Variants in TIA1 observed in about 807,000 individuals in gnomAD.
TIA1 encodes the protein cytotoxic granule associated RNA binding protein TIA1.
Under a neutral mutation model 65.9 loss-of-function variants are expected in TIA1, and 23 were observed. That is an observed-to-expected ratio of 0.35 (90% CI 0.25 to 0.49). The LOEUF (loss-of-function observed/expected upper bound fraction) is 0.49. TIA1 is among the 20% of genes least tolerant of loss of function. The pLI is 0.98. For missense variants in TIA1, 371 were observed against 477.9 expected (o/e 0.78, Z 2.09); for synonymous variants, 147 against 149.4 (o/e 0.98, Z 0.12).
chr2:70,216,873 C>G lies in TIA1; in HGVS notation c.583+13G>C, dbSNP rs1300576201. 6.2e-7 allele frequency: 1 copy of G among 1,614,042 alleles called. No homozygotes were observed. Among genetic ancestry groups the G allele is most frequent in the Admixed American group, 1.7e-5 (1 of 60,008 alleles). On this transcript the variant is annotated intron_variant, in intron 8 of 12. Transcript: ENST00000433529. Reference sequence around the variant, plus strand: ...AAAATTCCACATTTCCTTTTCTTCTCCAATACACCTACACTCATATGTACT... The same window carrying G: ...AAAATTCCACATTTCCTTTTCTTCTGCAATACACCTACACTCATATGTACT...
chr2:70,217,013 GA>G lies in TIA1; in HGVS notation c.475-20del, dbSNP rs1558767640. On this transcript the variant is annotated intron_variant, in intron 7 of 12. Coordinates refer to ENST00000433529, the MANE Select transcript of TIA1 (RefSeq NM_022173.4). The stretch of plus-strand genomic sequence containing the variant: ...CAGCATCCTGTTCCGTACAACATTA[GA>G]AACAATAAAGAAGTCACTATTAGTT... 1 of 1,595,516 alleles carries G rather than the reference GA, an allele frequency of 6.3e-7. No individual in the cohort carries two copies. The highest frequency in any genetic ancestry group is 2.2e-5 in the East Asian group (1 of 44,634).
chr2:70,217,132 C>T (rs997714339), intron 7 of TIA1, 138 bp from the exon 8 acceptor site: 6 of 690,460 alleles, frequency 8.7e-6, no homozygotes, highest in African/African-American at 7.4e-5. Flanking sequence ...CATATGATAG[C>T]TTTCCTAAAA....
chr2:70,248,748 G>T (rs754317946), upstream of TIA1: 5 of 399,674 alleles, frequency 1.3e-5, no homozygotes, highest in Non-Finnish European at 2.3e-5. Flanking sequence ...CACTTGTTGC[G>T]CAGCCGCTCT....
At chr2:70,225,196 C>T (rs889435083) in intron 6 of TIA1, 3 of 1,060,332 alleles carry the variant, frequency 2.8e-6, no homozygotes, top group Non-Finnish European at 3.4e-6. Context: ...ATACTAGACA[C>T]ACACAAGTTT....
intron 10 of TIA1, chr2:70,215,985 A>G (rs1678454745): frequency 6.1e-6 from 3 of 490,856 alleles, no homozygotes; most frequent in Non-Finnish European, 1.1e-5. Flanking sequence ...CAAACTCATG[A>G]CGGTGATCCA....
Position 70,220,206 on chromosome 2 carries a change from G to C in TIA1, c.475-3212C>G, listed in dbSNP as rs1428134581. On this transcript the variant is annotated intron_variant, in intron 7 of 12. Coordinates refer to ENST00000433529, the MANE Select transcript of TIA1 (RefSeq NM_022173.4). Reference sequence around the variant, plus strand: ...AGGTGGATCATGAGCCCAGGAGTTCGAGACCAGCCTGGACAACATGACAAA... The same window carrying C: ...AGGTGGATCATGAGCCCAGGAGTTCCAGACCAGCCTGGACAACATGACAAA... 2.6e-5 allele frequency among the ~76,000 whole-genome samples: 4 copies of C among 152,006 alleles called. No homozygotes were observed. In the East Asian group the frequency reaches 7.7e-4, roughly 29 times the overall value.
rs954007616 is a variant in TIA1 at position 70,246,662 on chromosome 2, G to T, written c.26+1743C>A. ...GCACTCTGGGAGGCCGAGGTGTGCG[G>T]ATCACCTGAGGTCAGGAGTTCGAGA... is the stretch of plus-strand genomic sequence containing the variant. On this transcript the variant is annotated intron_variant, in intron 1 of 12. Coordinates refer to ENST00000433529, the MANE Select transcript of TIA1 (RefSeq NM_022173.4). Among the ~76,000 whole-genome samples the T allele has an allele frequency of 8.5e-5, 13 of 152,302 alleles. No individual in the cohort carries two copies. The East Asian group carries it at 2.3e-3, about 27-fold the overall frequency.
At chr2:70,248,191 G>C (rs1347248247) in intron 1 of TIA1, among the ~76,000 whole-genome samples, 1 of 152,228 alleles carries the variant, frequency 6.6e-6, no homozygotes, top group African/African-American at 2.4e-5. Context: ...TTGCTAAAGT[G>C]AAGGGATTAA....
At chr2:70,229,136 C>T in intron 4 of TIA1, 45 bp from the exon 5 acceptor site, 17 of 1,609,974 alleles carry the variant, frequency 1.1e-5, no homozygotes, top group Non-Finnish European at 1.4e-5. Flanking sequence ...TTAACACAAA[C>T]ACATTCAATC....
chr2:70,248,686 A>C (rs982106625), upstream of TIA1: 8 of 567,332 alleles, frequency 1.4e-5, no homozygotes, highest in Non-Finnish European at 2.5e-5. Context: ...GCGCAGAATA[A>C]TCTTGCACTC....
At chr2:70,224,319 G>A (rs1682875461) in intron 7 of TIA1, 1 of 500,126 alleles carries the variant, frequency 2.0e-6, no homozygotes, top group Non-Finnish European at 3.5e-6. Flanking sequence ...ATCTACCTTT[G>A]GCTGATAATT....
chr2:70,225,448 T>C (rs925563205), intron 6 of TIA1: 5 of 1,280,864 alleles, frequency 3.9e-6, no homozygotes, highest in East Asian at 5.6e-5. Flanking sequence ...CCAGCCATGA[T>C]AGCTAAAACT....
In TIA1 at chr2:70,211,033, G is replaced by A. The variant is rs1042289115; in HGVS notation, c.*1686C>T. 1.3e-5 allele frequency: 2 copies of A among 152,278 alleles called. No homozygotes were observed. Among genetic ancestry groups the A allele is most frequent in the South Asian group, 4.1e-4 (2 of 4,822 alleles). 9.4% of individuals were successfully genotyped at this position (152,278 alleles called of 1,614,324 possible). On this transcript the variant is annotated 3_prime_UTR_variant, in exon 13 of 13. Coordinates refer to ENST00000433529, the MANE Select transcript of TIA1 (RefSeq NM_022173.4). The stretch of plus-strand genomic sequence containing the variant: ...CTTGGAGTCATTTGCCCCTACCCGG[G>A]AAATGCAGGCCAGGAAACTTAAGAT...
intron 2 of TIA1, 37 bp downstream of exon 2, chr2:70,236,042 A>G: frequency 1.5e-6 from 2 of 1,337,092 alleles, no homozygotes; most frequent in East Asian, 2.3e-5. Context: ...TGTGTAAAAA[A>G]AAAAAGAATA....
At chr2:70,235,795 CCA>C (rs1688640732) in intron 2 of TIA1, among the ~76,000 whole-genome samples, 2 of 152,040 alleles carry the variant, frequency 1.3e-5, no homozygotes, top group Non-Finnish European at 2.9e-5. Flanking sequence ...CTGAAAGAGC[CCA>C]TATATATGTT....
At chr2:70,220,207 A>C (rs766398325) in intron 7 of TIA1, among the ~76,000 whole-genome samples, 19 of 152,108 alleles carry the variant, frequency 1.2e-4, no homozygotes, top group Non-Finnish European at 2.4e-4. Context: ...CAGGAGTTCG[A>C]GACCAGCCTG....
At chr2:70,230,937 C>A in intron 2 of TIA1, 83 bp from the exon 3 acceptor site, 6 of 1,053,170 alleles carry the variant, frequency 5.7e-6, no homozygotes, top group African/African-American at 3.2e-5. Context: ...AAATCTTAAA[C>A]CAAGTTTTAT....
chr2:70,232,240 G>T (rs1476274138), intron 2 of TIA1, among the ~76,000 whole-genome samples: 4 of 135,960 alleles, frequency 2.9e-5, no homozygotes, highest in Admixed American at 2.2e-4. Context: ...AAAGAAAAAA[G>T]AAAAAAAATT....
chr2:70,244,834 CAAAAAAAAAAA>C (rs70956958), intron 1 of TIA1, among the ~76,000 whole-genome samples: 3 of 53,486 alleles, frequency 5.6e-5, no homozygotes, highest in East Asian at 5.2e-4. Context: ...GACTCTGTCT[CAAAAAAAAAAA>C]AAAAAAAAAA....
Sources: allele counts gnomAD v4.1 joint callset (sites outside exome capture counted in the v4.1 genomes callset), GRCh38; gene constraint gnomAD v4.1.1; transcripts MANE v1.5; gene names NCBI Gene and HGNC (gene_info 2026-07-23, HGNC 2026-07-21).